Variants in KALRN observed in about 807,000 individuals in gnomAD.
KALRN encodes kalirin.
KALRN carries 70 observed loss-of-function variants against 353.7 expected under a neutral mutation model. The ratio of observed to expected loss-of-function variants is 0.20; its 90% CI spans 0.16 to 0.24. The LOEUF (loss-of-function observed/expected upper bound fraction) is 0.24. Among genes scored for constraint, KALRN ranks in the 10% least tolerant of loss-of-function variants. The pLI is 1.00. For missense variants in KALRN, 2,791 were observed against 3,756.7 expected, an observed-to-expected ratio of 0.74 and a Z score of 6.72; for synonymous variants, 1,391 against 1,434.8, an observed-to-expected ratio of 0.97 and a Z score of 0.69.
At chr3:124,250,723 G>A (rs543480059) in intron 3 of KALRN, among the ~76,000 whole-genome samples, 1 of 152,304 alleles carries the variant, frequency 6.6e-6, no homozygotes, top group East Asian at 1.9e-4. Context: ...AGAGTACCTT[G>A]GGGGTTGTCT....
intron 33 of KALRN, among the ~76,000 whole-genome samples, chr3:124,541,389 G>T (rs2069010306): frequency 6.6e-6 from 1 of 151,990 alleles, no homozygotes; most frequent in African/African-American, 2.4e-5. Context: ...GGCGGAGGTT[G>T]CAGTGAGCCG....
chr3:124,481,868 T>C (rs969639673), intron 27 of KALRN, among the ~76,000 whole-genome samples: 1 of 152,198 alleles, frequency 6.6e-6, no homozygotes, highest in Non-Finnish European at 1.5e-5. Context: ...TCTCTCAATT[T>C]TTATTGGCTA....
chr3:124,633,831 G>A, intron 35 of KALRN, 21 bp from the exon 36 acceptor site: 2 of 1,601,630 alleles, frequency 1.2e-6, no homozygotes, highest in Non-Finnish European at 1.7e-6. Context: ...AGTAACTAAT[G>A]CTGCTCTTTT....
In KALRN at chr3:124,295,797, C is replaced by G. The variant is rs750595749; in HGVS notation, c.970-2994C>G. On this transcript the variant is annotated intron_variant, in intron 5 of 59. Coordinates refer to ENST00000682506, the MANE Select transcript of KALRN (RefSeq NM_001388419.1). The stretch of plus-strand genomic sequence containing the variant: ...TAAAATAGGGCTGGGAGGCAGAATT[C>G]TAAAGATAAAAATTATAGAATCAGA... 2.0e-5 allele frequency among the ~76,000 whole-genome samples: 3 copies of G among 152,206 alleles called. No individual in the cohort carries two copies. In the South Asian group the frequency reaches 6.2e-4, roughly 32 times the overall value.
chr3:124,473,838 C>A (rs780913737), intron 25 of KALRN, among the ~76,000 whole-genome samples: 2 of 152,138 alleles, frequency 1.3e-5, no homozygotes, highest in African/African-American at 2.4e-5. Flanking sequence ...TTGTAAAGAT[C>A]GTAGCATTTC....
rs560494875 is a variant in KALRN, at chr3:124,508,408, T to C, written c.4935+11995T>C. Among the ~76,000 whole-genome samples, 775 of 152,340 alleles carry C rather than the reference T, an allele frequency of 5.1e-3. 1 individual carries two copies. Among genetic ancestry groups the C allele is most frequent in the Non-Finnish European group, 8.3e-3 (564 of 68,036 alleles). ...AATTTCATCTCAATGTGGCTGTTTTTATATGACTAGAATCATTCTACATAT... is the reference window on the plus strand; with the variant it reads ...AATTTCATCTCAATGTGGCTGTTTTCATATGACTAGAATCATTCTACATAT... On this transcript the variant is annotated intron_variant, in intron 33 of 59. Coordinates refer to ENST00000682506, the MANE Select transcript of KALRN (RefSeq NM_001388419.1).
chr3:124,330,325 C>G (rs1432113713), intron 8 of KALRN, among the ~76,000 whole-genome samples: 1 of 151,494 alleles, frequency 6.6e-6, no homozygotes, highest in Non-Finnish European at 1.5e-5. Context: ...GAAGATTGGA[C>G]TTTCTCCTCT....
intron 5 of KALRN, among the ~76,000 whole-genome samples, chr3:124,298,123 G>A (rs1272034740): frequency 1.3e-5 from 2 of 152,154 alleles, no homozygotes; most frequent in African/African-American, 4.8e-5. Context: ...GAAGTATGTG[G>A]GCTGCCTGGA....
rs372223044 is a variant in KALRN, at chr3:124,365,760, TG to T, written c.1770+18496del. Reference sequence around the variant, plus strand: ...GGAGGAACCCAAGGTCCAGACTCCCTGCCTGTCATTCTGTGCTGCTGTTAGT... The same window carrying T: ...GGAGGAACCCAAGGTCCAGACTCCCTCCTGTCATTCTGTGCTGCTGTTAGT... On this transcript the variant is annotated intron_variant, in intron 10 of 59. Transcript: ENST00000682506. Among the ~76,000 whole-genome samples, 749 of 152,354 alleles carry T rather than the reference TG, an allele frequency of 4.9e-3. 4 individuals carry two copies. Among genetic ancestry groups the T allele is most frequent in the African/African-American group, 0.017 (714 of 41,582 alleles).
chr3:124,475,067 A>T (rs75147374), intron 26 of KALRN, among the ~76,000 whole-genome samples: 1 of 152,148 alleles, frequency 6.6e-6, no homozygotes, highest in African/African-American at 2.4e-5. Flanking sequence ...CTAACCATTT[A>T]AAAAAAATTT....
At chr3:124,626,105 T>G (rs1343652046) in intron 34 of KALRN, among the ~76,000 whole-genome samples, 5 of 151,808 alleles carry the variant, frequency 3.3e-5, no homozygotes, top group Non-Finnish European at 5.9e-5. Context: ...TTAACATGAA[T>G]GAACTAGATC....
chr3:124,155,942 A>G (rs1311527790), intron 1 of KALRN, among the ~76,000 whole-genome samples: 5 of 152,268 alleles, frequency 3.3e-5, no homozygotes, highest in African/African-American at 9.6e-5. Context: ...GCAACCTGAA[A>G]TCTTTCAGGA....
chr3:124,235,160 C>T lies in KALRN; in HGVS notation c.263+217C>T, dbSNP rs568567193. On this transcript the variant is annotated intron_variant, in intron 3 of 59. Coordinates refer to ENST00000682506, the MANE Select transcript of KALRN (RefSeq NM_001388419.1). ...GGGTGGGAGCTGGAAGTGGCAACTC[C>T]GGACACTCAACTCTGTATCACTCAG... Among the ~76,000 whole-genome samples, 4 of 152,262 alleles carry T rather than the reference C, an allele frequency of 2.6e-5. No homozygotes were observed. In the South Asian group the frequency reaches 6.2e-4, roughly 24 times the overall value.
chr3:124,686,908 A>G (rs993519555), intron 51 of KALRN, among the ~76,000 whole-genome samples: 14 of 138,836 alleles, frequency 1.0e-4, no homozygotes, highest in African/African-American at 3.5e-4. Context: ...CTAACCTCCC[A>G]GGCTCAAGTG....
intron 14 of KALRN, among the ~76,000 whole-genome samples, chr3:124,418,246 G>A (rs1373931): frequency 0.53 from 80,610 of 151,902 alleles, 22,428 homozygotes; most frequent in East Asian, 0.73. Context: ...CCTTGATGTA[G>A]AACAATGGTT....
At position 124,368,094 on chromosome 3, in the gene KALRN, A is replaced by AC. The variant is rs1406541923; in HGVS notation, c.1771-16744dup. The stretch of plus-strand genomic sequence containing the variant: ...GGGCGGCTGGCCAGGCGGGGGGCTG[A>AC]CCCCCCCACCTCCCTCCCGGACGGG... On this transcript the variant is annotated intron_variant, in intron 10 of 59. Transcript: ENST00000682506. Among the ~76,000 whole-genome samples, 11 of 33,904 alleles carry AC rather than the reference A, an allele frequency of 3.2e-4. 1 individual carries two copies. The highest frequency in any genetic ancestry group is 3.2e-3 in the Admixed American group (10 of 3,158). The allele number at this position is 33,904 out of a possible 152,430, so 22.2% of individuals were successfully genotyped here.
chr3:124,323,754 C>A lies in KALRN; in HGVS notation c.1093-2226C>A, dbSNP rs79405754. Among the ~76,000 whole-genome samples the A allele has an allele frequency of 0.019, 2,913 of 152,174 alleles. 169 individuals carry two copies. In the East Asian group the frequency reaches 0.21, roughly 11 times the overall value. ...AGGCCTTTCTCCAGGACAGGAAAAC[C>A]CAAAAACCTAGATAGATCTGGGTAA... is the stretch of plus-strand genomic sequence containing the variant. On this transcript the variant is annotated intron_variant, in intron 6 of 59. Coordinates refer to ENST00000682506, the MANE Select transcript of KALRN (RefSeq NM_001388419.1).
intron 33 of KALRN, among the ~76,000 whole-genome samples, chr3:124,526,724 A>T: frequency 6.6e-6 from 1 of 152,218 alleles, no homozygotes. Flanking sequence ...TATGTCCAAA[A>T]TAGTATAATG....
chr3:124,485,518 G>A (rs1252115596), intron 28 of KALRN, among the ~76,000 whole-genome samples: 1 of 152,212 alleles, frequency 6.6e-6, no homozygotes, highest in Non-Finnish European at 1.5e-5. Context: ...TATAGAGGTA[G>A]CTAAGAAGTG....
Sources: gnomAD v4.1 joint callset for allele counts (sites outside exome capture counted in the v4.1 genomes callset) on GRCh38, gnomAD v4.1.1 for gene constraint, MANE v1.5 for transcripts, NCBI Gene and HGNC (gene_info 2026-07-23, HGNC 2026-07-21) for gene names.